Variants in CCDC30 observed in about 807,000 individuals in gnomAD.
The protein encoded by CCDC30 is coiled-coil domain-containing protein 30.
A neutral mutation model predicts 100.2 loss-of-function variants in CCDC30; 70 were observed. The ratio of observed to expected loss-of-function variants is 0.70; its 90% confidence interval spans 0.58 to 0.85. CCDC30 has a LOEUF of 0.85. Ranked by LOEUF, CCDC30 falls within the 40% of genes least tolerant of loss-of-function variation. CCDC30 has a pLI of 0.00. For synonymous variants in CCDC30, 233 were observed against 269.5 expected (o/e 0.86, Z 1.33); for missense variants, 652 against 771.2 (o/e 0.85, Z 1.83).
chr1:42,464,060 T>C (rs1328458976), intron 1 of CCDC30, 162 bp downstream of exon 1: 2 of 152,294 alleles, frequency 1.3e-5, no homozygotes, highest in Admixed American at 6.5e-5. Flanking sequence ...CTGTCATCTA[T>C]AGACCACCTC....
chr1:42,463,739 A>C (rs921759097), exon 1 of CCDC30: 1 of 152,112 alleles, frequency 6.6e-6, no homozygotes, highest in South Asian at 2.1e-4. Flanking sequence ...GGTCCAGGCC[A>C]CTACGAAGTC....
At chr1:42,516,412 A>G (rs1343460545) in intron 6 of CCDC30, among the ~76,000 whole-genome samples, 1 of 151,908 alleles carries the variant, frequency 6.6e-6, no homozygotes, top group Non-Finnish European at 1.5e-5. Flanking sequence ...TGTGGAGGTG[A>G]GTCTTGCTCT....
chr1:42,521,849 C>G (rs940087174), intron 6 of CCDC30, among the ~76,000 whole-genome samples: 1 of 151,534 alleles, frequency 6.6e-6, no homozygotes, highest in Admixed American at 6.6e-5. Flanking sequence ...TTTATTTTGT[C>G]TGATATTAGT....
intron 15 of CCDC30, among the ~76,000 whole-genome samples, chr1:42,647,747 A>G (rs1039705103): frequency 6.6e-6 from 1 of 152,256 alleles, no homozygotes; most frequent in Non-Finnish European, 1.5e-5. Flanking sequence ...AATGAAATGA[A>G]ACTAGAAATC....
chr1:42,495,711 T>A (rs1199282850), intron 4 of CCDC30, among the ~76,000 whole-genome samples: 1 of 151,244 alleles, frequency 6.6e-6, no homozygotes, highest in African/African-American at 2.4e-5. Flanking sequence ...AAAACAAAAT[T>A]AAAAAATAAA....
chr1:42,500,769 T>C (rs1644300923), intron 6 of CCDC30, among the ~76,000 whole-genome samples: 1 of 152,150 alleles, frequency 6.6e-6, no homozygotes, highest in Non-Finnish European at 1.5e-5. Context: ...TTTTGTTTTT[T>C]TACATATTAG....
intron 6 of CCDC30, among the ~76,000 whole-genome samples, chr1:42,545,970 T>TAATAA (rs1645122671): frequency 1.3e-5 from 2 of 149,506 alleles, no homozygotes; most frequent in Admixed American, 1.3e-4. Flanking sequence ...ATAATAATAA[T>TAATAA]TTAATATTCA....
At chr1:42,581,896 G>C (rs1404199963) in intron 9 of CCDC30, among the ~76,000 whole-genome samples, 1 of 151,990 alleles carries the variant, frequency 6.6e-6, no homozygotes, top group East Asian at 1.9e-4. Context: ...ACTTCAGAGA[G>C]TTTGTGGAAA....
At chr1:42,642,428 A>T in intron 12 of CCDC30, 45 bp from the exon 17 acceptor site, 1 of 1,409,522 alleles carries the variant, frequency 7.1e-7, no homozygotes, top group Non-Finnish European at 9.3e-7. Context: ...TAAATTTATC[A>T]TACTTTCTCC....
chr1:42,613,726 G>T (rs1646671195), intron 11 of CCDC30, among the ~76,000 whole-genome samples: 3 of 152,166 alleles, frequency 2.0e-5, no homozygotes, highest in Non-Finnish European at 1.5e-5. Flanking sequence ...CATATAATGG[G>T]GAGTGAGGAC....
intron 6 of CCDC30, among the ~76,000 whole-genome samples, chr1:42,532,657 A>C (rs186340928): frequency 1.3e-5 from 2 of 152,370 alleles, no homozygotes; most frequent in East Asian, 3.9e-4. Flanking sequence ...GAGCACTTAG[A>C]TAAAGGATTT....
At chr1:42,595,803 C>T (rs1433408991) in intron 10 of CCDC30, among the ~76,000 whole-genome samples, 1 of 152,086 alleles carries the variant, frequency 6.6e-6, no homozygotes, top group African/African-American at 2.4e-5. Context: ...ATATATATTC[C>T]TGCTATCATG....
At chr1:42,629,641 T>C (rs1396363533) in intron 11 of CCDC30, among the ~76,000 whole-genome samples, 1 of 151,922 alleles carries the variant, frequency 6.6e-6, no homozygotes, top group African/African-American at 2.4e-5. Context: ...TTCTTTTCTT[T>C]TTTTTTTTGA....
intron 7 of CCDC30, among the ~76,000 whole-genome samples, chr1:42,568,486 C>G (rs1036096108): frequency 1.3e-5 from 2 of 152,134 alleles, no homozygotes; most frequent in African/African-American, 2.4e-5. Context: ...GGAAACTGTT[C>G]AAGATTGCAA....
At chr1:42,496,656 C>T (rs541173071) in intron 4 of CCDC30, among the ~76,000 whole-genome samples, 2 of 152,120 alleles carry the variant, frequency 1.3e-5, no homozygotes, top group East Asian at 3.9e-4. Flanking sequence ...TCAAGACTTA[C>T]AATAAAGCTA....
upstream of CCDC30, chr1:42,459,738 TATCA>T: frequency 3.1e-6 from 5 of 1,614,206 alleles, no homozygotes; most frequent in Non-Finnish European, 4.2e-6. Flanking sequence ...TTTGGAAATT[TATCA>T]GCATCAAGTG....
intron 8 of CCDC30, chr1:42,580,914 G>A (rs912907935): frequency 8.8e-6 from 4 of 454,512 alleles, no homozygotes; most frequent in East Asian, 7.0e-5. Context: ...TCTAATACCT[G>A]TGGAGGCAGT....
intron 6 of CCDC30, among the ~76,000 whole-genome samples, chr1:42,518,912 T>G (rs1230804700): frequency 6.6e-6 from 1 of 152,238 alleles, no homozygotes; most frequent in Non-Finnish European, 1.5e-5. Context: ...TAATGTTCAC[T>G]GTGGATTTTT....
At chr1:42,511,302 T>C (rs1332959971) in intron 6 of CCDC30, among the ~76,000 whole-genome samples, 2 of 152,164 alleles carry the variant, frequency 1.3e-5, no homozygotes, top group South Asian at 2.1e-4. Context: ...CCTAGACTTA[T>C]GTGATCTGCA....
Sources: gnomAD v4.1 joint callset for allele counts (sites outside exome capture counted in the v4.1 genomes callset) on GRCh38, gnomAD v4.1.1 for gene constraint, MANE v1.5 for transcripts, NCBI Gene and HGNC (gene_info 2026-07-23, HGNC 2026-07-21) for gene names.